SYTL2: variants seen among roughly 807,000 people sequenced by gnomAD.
SYTL2 encodes synaptotagmin-like protein 2.
In SYTL2, 165 loss-of-function variants were observed where a neutral mutation model predicts 198.7. The observed-to-expected ratio is 0.83, with a 90% confidence interval of 0.73 to 0.94. The LOEUF (loss-of-function observed/expected upper bound fraction) is 0.94. Among genes scored for constraint, SYTL2 ranks in the 40% least tolerant of loss-of-function variants. The pLI, the probability that SYTL2 is intolerant of heterozygous loss-of-function variation, is 0.00. For missense variants in SYTL2, 2,835 were observed against 2,582.8 expected, an observed-to-expected ratio of 1.10 and a Z score of -2.12; for synonymous variants, 966 against 917.7, an observed-to-expected ratio of 1.05 and a Z score of -0.95.
At chr11:85,745,926 C>T (rs1320339020) in intron 3 of SYTL2, among the ~76,000 whole-genome samples, 154 bp from the exon 4 acceptor site, 1 of 152,174 alleles carries the variant, frequency 6.6e-6, no homozygotes, top group Non-Finnish European at 1.5e-5. Flanking sequence ...ATCAGAATTA[C>T]ATCTAAGAGA....
chr11:85,819,355 G>A, the SYTL2 span, among the ~76,000 whole-genome samples: 1 of 152,202 alleles, frequency 6.6e-6, no homozygotes, highest in Non-Finnish European at 1.5e-5. Flanking sequence ...GTCAAATGAT[G>A]ATTTATAATT....
At chr11:85,706,031 G>T (rs2085086266) in intron 15 of SYTL2, among the ~76,000 whole-genome samples, 1 of 152,138 alleles carries the variant, frequency 6.6e-6, no homozygotes, top group Non-Finnish European at 1.5e-5. Context: ...TAAATGATCT[G>T]TTAGTCATGA....
chr11:85,763,800 C>T (rs1306255676), intron 1 of SYTL2, among the ~76,000 whole-genome samples: 2 of 152,090 alleles, frequency 1.3e-5, no homozygotes, highest in East Asian at 1.9e-4. Context: ...CAAGAAGGCT[C>T]ATCCCCACCG....
chr11:85,741,453 T>C (rs1156376284), intron 4 of SYTL2, among the ~76,000 whole-genome samples: 5 of 152,222 alleles, frequency 3.3e-5, no homozygotes, highest in Admixed American at 6.5e-5. Context: ...CATTTTTATG[T>C]CACAGTGAAA....
At position 85,725,767 on chromosome 11, in the gene SYTL2, T is replaced by G. The variant is rs1591755430; in HGVS notation, c.3591A>C (p.Lys1197Asn). 2 of 1,614,180 alleles carry G rather than the reference T, an allele frequency of 1.2e-6. No individual in the cohort carries two copies. The highest frequency in any genetic ancestry group is 4.5e-5 in the East Asian group (2 of 44,882). ...PEKIINEHVDKTVVHPKVKRN... is the reference protein window; with the variant it reads ...PEKIINEHVDNTVVHPKVKRN... ...GTTTAACCTTTGGATGAACTACTGT[T>G]TTGTCAACATGCTCATTAATGATCT... Residue 1197 changes from lysine (K) to asparagine (N), a missense_variant, in exon 8 of 20, where the codon AAA becomes AAC. By Grantham distance (94) the Lys-to-Asn change is moderately conservative. This residue lies in a region of SYTL2 where 2,645 missense variants were observed against 2,381.7 expected (regional missense o/e 1.11). Transcript: ENST00000359152.
chr11:85,778,790 C>T (rs644558), intron 1 of SYTL2, among the ~76,000 whole-genome samples: 100,979 of 152,030 alleles, frequency 0.66, 33,773 homozygotes, highest in Middle Eastern at 0.72. Flanking sequence ...CAGCCTGGGC[C>T]ACGTGGCAAA....
In SYTL2 at chr11:85,695,323, C is replaced by G. The variant is rs1217488740; in HGVS notation, c.6592G>C (p.Glu2198Gln). Residue 2198 changes from glutamate to glutamine, a missense_variant, in exon 20 of 20, where the codon GAA (glutamate) becomes CAA (glutamine). This residue lies in a region of SYTL2 where 185 missense variants were observed against 182.1 expected (regional missense o/e 1.02). Transcript: ENST00000359152. Reference sequence around the variant, plus strand: ...GAAGTAGAGTCCATCCAGTCCACTTCAGTCCCATAACTTTTACCTGAAAAA... The same window carrying G: ...GAAGTAGAGTCCATCCAGTCCACTTGAGTCCCATAACTTTTACCTGAAAAA... ...GFGTGKSYGT[E>Q]VDWMDSTSEE... 1.3e-6 allele frequency: 2 copies of G among 1,579,618 alleles called. No individual in the cohort carries two copies. Among genetic ancestry groups the G allele is most frequent in the Non-Finnish European group, 1.7e-6 (2 of 1,161,512 alleles).
intron 1 of SYTL2, among the ~76,000 whole-genome samples, chr11:85,760,476 T>C (rs926766141): frequency 2.0e-5 from 3 of 152,158 alleles, no homozygotes; most frequent in African/African-American, 7.2e-5. Flanking sequence ...ATATACAATA[T>C]CACCAAGAGA....
chr11:85,710,990 A>G (rs1451345897), intron 13 of SYTL2, 123 bp downstream of exon 13: 20 of 1,061,586 alleles, frequency 1.9e-5, no homozygotes, highest in Non-Finnish European at 2.7e-5. Context: ...CTAATTATGG[A>G]TTAGAGAAAC....
chr11:85,831,017 C>T, the SYTL2 span, among the ~76,000 whole-genome samples: 1 of 152,160 alleles, frequency 6.6e-6, no homozygotes, highest in African/African-American at 2.4e-5. Context: ...CAGTTCTACG[C>T]CCTGGGGTTT....
chr11:85,720,778 C>T (rs752964994), intron 9 of SYTL2, 80 bp downstream of exon 9: 141 of 973,672 alleles, frequency 1.4e-4, no homozygotes, highest in Middle Eastern at 4.1e-4. Context: ...CACAACAGCA[C>T]GCAGTGAGGC....
At chr11:85,853,634 G>C in the SYTL2 span, 1 of 137,732 alleles carries the variant, frequency 7.3e-6, no homozygotes, top group East Asian at 2.0e-4. Context: ...CCCCCTCTGC[G>C]AGAAACACCC....
At chr11:85,709,775 C>G (rs2153420403) in intron 13 of SYTL2, among the ~76,000 whole-genome samples, 1 of 152,270 alleles carries the variant, frequency 6.6e-6, no homozygotes, top group Admixed American at 6.5e-5. Context: ...CTCCACCTCC[C>G]AGGTTCAGGC....
the SYTL2 span, among the ~76,000 whole-genome samples, chr11:85,823,429 C>T: frequency 6.6e-6 from 1 of 152,186 alleles, no homozygotes; most frequent in African/African-American, 2.4e-5. Context: ...ATACTTTCTA[C>T]ATTAAGATCA....
At chr11:85,700,303 T>C (rs1175507419) in intron 17 of SYTL2, among the ~76,000 whole-genome samples, 1 of 143,672 alleles carries the variant, frequency 7.0e-6, no homozygotes, top group Non-Finnish European at 1.5e-5. Flanking sequence ...ATGGTGAAGA[T>C]GGTAGATTTT....
At position 85,717,503 on chromosome 11, in the gene SYTL2, G is replaced by T; in HGVS notation, c.5510C>A (p.Thr1837Lys). Residue 1837 changes from threonine (T) to lysine (K), a missense_variant, in exon 11 of 20, where the codon ACA (threonine) becomes AAA (lysine). Physicochemically the swap from Thr to Lys is moderately conservative, Grantham distance 78. Coordinates refer to ENST00000359152, the MANE Select transcript of SYTL2 (RefSeq NM_206927.4). ...CTCACTTCTTGGTACGCATTCATTT[G>T]TAACTGGCTTCTGATCTGGTTTCTC... is the stretch of plus-strand genomic sequence containing the variant. ...DDEKPDQKPVTNECVPRISTV... is the reference protein window; with the variant it reads ...DDEKPDQKPVKNECVPRISTV... 3 of 1,613,158 alleles carry T rather than the reference G, an allele frequency of 1.9e-6. No homozygotes were observed. Among genetic ancestry groups the T allele is most frequent in the Non-Finnish European group, 1.7e-6 (2 of 1,179,320 alleles).
Position 85,724,518 on chromosome 11 carries a change from C to T in SYTL2, c.4840G>A (p.Ala1614Thr). ...FLGTVPHFYRAASQTSEMKDK... is the reference protein window; with the variant it reads ...FLGTVPHFYRTASQTSEMKDK... ...TTCATTTCAGAGGTCTGTGAGGCTG[C>T]CCTGTAAAAATGGGGCACTGTCCCC... Residue 1614 changes from alanine (A) to threonine (T), a missense_variant, in exon 8 of 20, where the codon GCA (alanine) becomes ACA (threonine). Coordinates refer to ENST00000359152, the MANE Select transcript of SYTL2 (RefSeq NM_206927.4). 6.2e-7 allele frequency: 1 copy of T among 1,613,844 alleles called. No homozygotes were observed. Among genetic ancestry groups the T allele is most frequent in the Non-Finnish European group, 8.5e-7 (1 of 1,180,014 alleles).
At chr11:85,772,548 A>T (rs2092376681) in intron 1 of SYTL2, among the ~76,000 whole-genome samples, 1 of 152,250 alleles carries the variant, frequency 6.6e-6, no homozygotes, top group Admixed American at 6.5e-5. Flanking sequence ...GTCATCCTTC[A>T]TGATAGCTGT....
the SYTL2 span, among the ~76,000 whole-genome samples, chr11:85,832,058 A>G: frequency 1.3e-5 from 2 of 152,156 alleles, no homozygotes. Context: ...AGTTCTTTAC[A>G]TTATTCTGTA....
Sources: gnomAD v4.1 joint callset for allele counts (sites outside exome capture counted in the v4.1 genomes callset) on GRCh38, gnomAD v4.1.1 for gene constraint, gnomAD v4.1.1 regional missense constraint, MANE v1.5 for transcripts, NCBI Gene and HGNC (gene_info 2026-07-23, HGNC 2026-07-21) for gene names.